Variants in LNX1 observed in about 807,000 individuals in gnomAD.
The protein encoded by LNX1 is ligand of numb-protein X 1.
Under a neutral mutation model 68.4 loss-of-function variants are expected in LNX1, and 54 were observed. The ratio of observed to expected loss-of-function variants is 0.79; its 90% CI spans 0.63 to 0.99. The LOEUF is 0.99. Among genes scored for constraint, LNX1 ranks in the 50% least tolerant of loss-of-function variants. LNX1 has a pLI of 0.00. For missense variants in LNX1, 906 were observed against 926.4 expected (o/e 0.98, Z 0.29); for synonymous variants, 336 against 350.0 (o/e 0.96, Z 0.45).
At chr4:53,637,413 A>C (rs553593865) in intron 1 of LNX1, among the ~76,000 whole-genome samples, 1 of 152,272 alleles carries the variant, frequency 6.6e-6, no homozygotes, top group African/African-American at 2.4e-5. Context: ...GTTCCTTAGT[A>C]ATGTCAAAAG....
chr4:53,647,545 G>A (rs2109893669), intron 1 of LNX1, among the ~76,000 whole-genome samples: 1 of 152,162 alleles, frequency 6.6e-6, no homozygotes, highest in Non-Finnish European at 1.5e-5. Flanking sequence ...ATTTTCCCAA[G>A]AATCACTGGT....
intron 2 of LNX1, among the ~76,000 whole-genome samples, chr4:53,560,330 G>T (rs1730197020): frequency 6.6e-6 from 1 of 152,118 alleles, no homozygotes; most frequent in African/African-American, 2.4e-5. Context: ...GCATTTAAAG[G>T]GGATGAAATT....
At chr4:53,576,448 A>T in intron 1 of LNX1, 1 of 1,410,774 alleles carries the variant, frequency 7.1e-7, no homozygotes. Context: ...ATGGTGCCAA[A>T]GTGCAGCTGA....
intron 2 of LNX1, among the ~76,000 whole-genome samples, chr4:53,613,824 A>C (rs1733586660): frequency 2.0e-5 from 3 of 152,238 alleles, no homozygotes; most frequent in Admixed American, 6.5e-5. Flanking sequence ...GTATATACCC[A>C]GTAATGGGAT....
intron 2 of LNX1, among the ~76,000 whole-genome samples, chr4:53,616,283 A>T (rs1312974434): frequency 6.6e-6 from 1 of 152,184 alleles, no homozygotes; most frequent in Non-Finnish European, 1.5e-5. Context: ...ATAGACACAA[A>T]TAACTCCTAT....
chr4:53,648,448 T>C (rs1161852283), intron 1 of LNX1, among the ~76,000 whole-genome samples: 1 of 149,488 alleles, frequency 6.7e-6, no homozygotes, highest in Non-Finnish European at 1.5e-5. Flanking sequence ...CCATTTGAAT[T>C]GGGTTGTTTT....
At chr4:53,568,347 C>A (rs1417583872) in intron 2 of LNX1, among the ~76,000 whole-genome samples, 7 of 151,196 alleles carry the variant, frequency 4.6e-5, no homozygotes, top group South Asian at 2.1e-4. Flanking sequence ...TCAATATACG[C>A]AAATCAATAA....
chr4:53,548,767 A>G lies in LNX1; in HGVS notation c.380+24856T>C, dbSNP rs148308981. ...GTATTCACAATAGCAAAGATATGGA[A>G]TCAAACTAAATGCCCATCAATGACA... On this transcript the variant is annotated intron_variant, in intron 2 of 10. Coordinates refer to ENST00000263925, the MANE Select transcript of LNX1 (RefSeq NM_001126328.3). Among the ~76,000 whole-genome samples, 9 of 152,348 alleles carry G rather than the reference A, an allele frequency of 5.9e-5. No individual in the cohort carries two copies. The East Asian group carries it at 9.6e-4, about 16-fold the overall frequency.
chr4:53,473,859 G>A (rs183526161), intron 9 of LNX1, among the ~76,000 whole-genome samples: 9 of 152,216 alleles, frequency 5.9e-5, no homozygotes, highest in Middle Eastern at 3.4e-3. Context: ...AAAAGGATCC[G>A]AGAACACTAA....
intron 2 of LNX1, among the ~76,000 whole-genome samples, chr4:53,607,883 A>G (rs1357080151): frequency 2.0e-5 from 3 of 152,234 alleles, no homozygotes; most frequent in Admixed American, 1.3e-4. Flanking sequence ...TCCCTATTCA[A>G]AAAATGGTGC....
intron 5 of LNX1, among the ~76,000 whole-genome samples, chr4:53,496,954 C>T (rs1225677032): frequency 1.3e-5 from 2 of 151,912 alleles, no homozygotes; most frequent in Non-Finnish European, 2.9e-5. Context: ...AGTGTATGTG[C>T]GTGTGATACT....
intron 1 of LNX1, among the ~76,000 whole-genome samples, chr4:53,631,820 A>C (rs1168531601): frequency 1.3e-5 from 2 of 151,910 alleles, no homozygotes; most frequent in Non-Finnish European, 2.9e-5. Flanking sequence ...AGAAATCCCA[A>C]GCTAATCAAT....
chr4:53,506,017 C>T (rs1378095053), intron 4 of LNX1, among the ~76,000 whole-genome samples: 1 of 152,162 alleles, frequency 6.6e-6, no homozygotes, highest in Non-Finnish European at 1.5e-5. Context: ...AATAAGTATA[C>T]AAGAAAAGGT....
At chr4:53,637,071 T>C (rs548744364) in intron 1 of LNX1, among the ~76,000 whole-genome samples, 1 of 152,136 alleles carries the variant, frequency 6.6e-6, no homozygotes, top group African/African-American at 2.4e-5. Flanking sequence ...ACTCTCCTGT[T>C]ACTGCTAAGA....
chr4:53,508,535 AG>A (rs1232379362), intron 2 of LNX1, among the ~76,000 whole-genome samples: 1 of 152,198 alleles, frequency 6.6e-6, no homozygotes, highest in African/African-American at 2.4e-5. Context: ...GTAGGGTTTG[AG>A]GCTGGCAATG....
chr4:53,472,860 T>C (rs745767753), intron 9 of LNX1, among the ~76,000 whole-genome samples: 5 of 152,052 alleles, frequency 3.3e-5, no homozygotes, highest in Admixed American at 1.3e-4. Context: ...AGAGTTGTTA[T>C]ATTGTGCTGT....
At chr4:53,556,629 G>C (rs1227966343) in intron 2 of LNX1, among the ~76,000 whole-genome samples, 1 of 152,160 alleles carries the variant, frequency 6.6e-6, no homozygotes, top group African/African-American at 2.4e-5. Context: ...TATTTCCTCA[G>C]AGATGCTCAT....
chr4:53,474,206 C>T (rs1452994318), intron 9 of LNX1, among the ~76,000 whole-genome samples: 2 of 152,182 alleles, frequency 1.3e-5, no homozygotes, highest in Non-Finnish European at 2.9e-5. Flanking sequence ...TACCCAAGAA[C>T]ATCAGATTTG....
chr4:53,554,312 T>C (rs1729730841), intron 2 of LNX1, among the ~76,000 whole-genome samples: 3 of 152,210 alleles, frequency 2.0e-5, no homozygotes, highest in African/African-American at 7.2e-5. Flanking sequence ...CTTTTGAACC[T>C]GGTGTCTTTC....
Sources: gnomAD v4.1 joint callset for allele counts (sites outside exome capture counted in the v4.1 genomes callset) on GRCh38, gnomAD v4.1.1 for gene constraint, MANE v1.5 for transcripts, NCBI Gene and HGNC (gene_info 2026-07-23, HGNC 2026-07-21) for gene names.